NCL: variants seen among roughly 807,000 people sequenced by gnomAD.
NCL encodes the protein nucleolin multifunctional protein.
In NCL, 4 loss-of-function variants were observed where a neutral mutation model predicts 77.7. That is an observed-to-expected ratio of 0.05 (90% confidence interval 0.03 to 0.12). NCL has a LOEUF of 0.12. Among genes scored for constraint, NCL ranks in the 10% least tolerant of loss-of-function variants. NCL has a pLI of 1.00. For missense variants in NCL, 763 were observed against 860.9 expected (o/e 0.89, Z 1.42); for synonymous variants, 344 against 297.8 (o/e 1.16, Z -1.60).
At position 231,454,978 on chromosome 2, in the gene NCL, T is replaced by TATC. The variant is rs938364370; in HGVS notation, c.*210_*212dup. 7.4e-6 allele frequency: 4 copies of TATC among 537,704 alleles called. No individual in the cohort carries two copies. The East Asian group carries it at 1.2e-4, about 16-fold the overall frequency. The allele number at this position is 537,704 out of a possible 1,614,324, so 33.3% of individuals were successfully genotyped here. A position where few individuals can be genotyped will look rare whatever the true frequency, so the allele number is the denominator to read the frequency against. On this transcript the variant is annotated 3_prime_UTR_variant, in exon 14 of 14. Transcript: ENST00000322723. ...AAAACTTACAGATAAGGGTTAGCTC[T>TATC]ATCACTCAACTCTTTAAAAAGTTTA...
intron 3 of NCL, 143 bp from the exon 4 acceptor site, chr2:231,461,009 T>G: frequency 1.4e-6 from 1 of 730,106 alleles, no homozygotes. Context: ...CCGGGCGCAG[T>G]GGCTCACGCC....
intron 2 of NCL, chr2:231,462,920 T>C (rs2046965852): frequency 5.3e-6 from 2 of 380,458 alleles, no homozygotes; most frequent in South Asian, 2.7e-5. Context: ...GGCTAACATG[T>C]TGAAACTGGA....
intron 11 of NCL, 139 bp downstream of exon 11, chr2:231,456,492 A>G (rs1195648312): frequency 1.5e-6 from 2 of 1,370,968 alleles, no homozygotes; most frequent in South Asian, 2.3e-5. Context: ...GATTTCATCA[A>G]TTATTTCTCA....
In NCL at chr2:231,464,405, G is replaced by C. The variant is rs1169967517; in HGVS notation, c.-52C>G. 1.3e-6 allele frequency: 2 copies of C among 1,584,828 alleles called. No homozygotes were observed. Among genetic ancestry groups the C allele is most frequent in the East Asian group, 2.3e-5 (1 of 43,364 alleles). On this transcript the variant is annotated 5_prime_UTR_variant, in exon 1 of 14. Coordinates refer to ENST00000322723, the MANE Select transcript of NCL (RefSeq NM_005381.3). ...AGTGGCGCAGATGAGTCCAGAAGAAGCCAAGCGACGGCGATGGCGGCCGCG... is the reference window on the plus strand; with the variant it reads ...AGTGGCGCAGATGAGTCCAGAAGAACCCAAGCGACGGCGATGGCGGCCGCG...
Position 231,461,957 on chromosome 2 carries a change from C to G in NCL, c.196G>C (p.Val66Leu), listed in dbSNP as rs1285071646. ...AAATSAKKVV[V>L]SPTKKVAVAT... ...ACTGCAACCTTTTTTGTTGGGGAAA[C>G]GACCACCTTCTTTGCTGAGGTTGCA... Residue 66 changes from valine (V) to leucine (L), a missense_variant, in exon 3 of 14, where the codon GTT becomes CTT. Around this residue, in one of 2 missense-constraint regions of NCL, gnomAD observed 590 missense variants for 570.5 expected, o/e 1.03. Transcript: ENST00000322723. 4 of 1,614,186 alleles carry G rather than the reference C, an allele frequency of 2.5e-6. No individual in the cohort carries two copies. In the South Asian group the frequency reaches 3.3e-5, roughly 13 times the overall value.
At chr2:231,458,689 G>A (rs1330499363) in intron 7 of NCL, 1 of 426,880 alleles carries the variant, frequency 2.3e-6, no homozygotes, top group African/African-American at 2.0e-5. Context: ...TATATAGGGA[G>A]TAATTAGGGA....
Position 231,456,783 on chromosome 2 carries a change from T to A in NCL, c.1572-19A>T, listed in dbSNP as rs765036048. 6.2e-7 allele frequency: 1 copy of A among 1,613,452 alleles called. No individual in the cohort carries two copies. The highest frequency in any genetic ancestry group is 1.1e-5 in the South Asian group (1 of 91,006). On this transcript the variant is annotated intron_variant, in intron 10 of 13. Coordinates refer to ENST00000322723, the MANE Select transcript of NCL (RefSeq NM_005381.3). ...TGCATACCTGAGGATGAACAGTTAA[T>A]GCTTAGAGTAAGTTACCAGGCACAT... is the stretch of plus-strand genomic sequence containing the variant.
At chr2:231,462,588 C>T (rs1350840265) in intron 2 of NCL, 2 of 513,032 alleles carry the variant, frequency 3.9e-6, no homozygotes, top group Admixed American at 3.9e-5. Context: ...ATTAAAATCC[C>T]GTAGTTTTAT....
At position 231,464,475 on chromosome 2, in the gene NCL, G is replaced by C. The variant is rs1304148736; in HGVS notation, c.-122C>G. 1.5e-6 allele frequency: 2 copies of C among 1,370,238 alleles called. No individual in the cohort carries two copies. The highest frequency in any genetic ancestry group is 1.4e-5 in the African/African-American group (1 of 69,256). 84.9% of individuals were successfully genotyped at this position (1,370,238 alleles called of 1,614,324 possible). ...CACGTACACCCGAAGGCCAGCGAGA[G>C]CTCGAGACTGAGGCGAAAGACTGAG... On this transcript the variant is annotated 5_prime_UTR_variant, in exon 1 of 14. Transcript: ENST00000322723.
At position 231,455,094 on chromosome 2, in the gene NCL, T is replaced by C. The variant is rs549839207; in HGVS notation, c.*97A>G. The C allele has an allele frequency of 1.5e-6, 2 of 1,350,120 alleles. No individual in the cohort carries two copies. Among genetic ancestry groups the C allele is most frequent in the East Asian group, 2.3e-5 (1 of 43,652 alleles). The allele number at this position is 1,350,120 out of a possible 1,614,324, so 83.6% of individuals were successfully genotyped here. Reference sequence around the variant, plus strand: ...GAGACCACAGGACTGTATACTGTCTTGGAATGTCCTCAGAAGGCTCTGTCA... The same window carrying C: ...GAGACCACAGGACTGTATACTGTCTCGGAATGTCCTCAGAAGGCTCTGTCA... On this transcript the variant is annotated 3_prime_UTR_variant, in exon 14 of 14. Transcript: ENST00000322723.
intron 2 of NCL, 137 bp downstream of exon 2, chr2:231,463,063 A>G: frequency 1.5e-6 from 1 of 665,646 alleles, no homozygotes; most frequent in Non-Finnish European, 2.6e-6. Flanking sequence ...GTCAATGAAG[A>G]GCTTGTGAAA....
At chr2:231,462,264 G>C (rs999378852) in intron 2 of NCL, among the ~76,000 whole-genome samples, 7 of 152,132 alleles carry the variant, frequency 4.6e-5, no homozygotes, top group Admixed American at 3.3e-4. Flanking sequence ...CAGACCCTCT[G>C]AATTCTTACA....
chr2:231,461,655 ATCCTCATCCTCGTCCTCGTCATCC>A lies in NCL; in HGVS notation c.474_497del (p.Glu158_Glu165del), dbSNP rs1270915528. On this transcript the variant is annotated inframe_deletion, in exon 3 of 14. Coordinates refer to ENST00000322723, the MANE Select transcript of NCL (RefSeq NM_005381.3). ...TCGCTGCTGGTTCAATTTCATCTTC[ATCCTCATCCTCGTCCTCGTCATCC>A]TCCTCATCCTCCTCACTGTCATCAT... is the stretch of plus-strand genomic sequence containing the variant. The A allele has an allele frequency of 3.1e-6, 5 of 1,610,124 alleles. No individual in the cohort carries two copies. Among genetic ancestry groups the A allele is most frequent in the South Asian group, 1.1e-5 (1 of 90,978 alleles).
chr2:231,458,635 C>A, intron 7 of NCL: 1 of 506,500 alleles, frequency 2.0e-6, no homozygotes, highest in Non-Finnish European at 3.4e-6. Context: ...AGTAGACGCG[C>A]ATAACAAAAA....
At chr2:231,464,219 C>T (rs1376400111) in intron 1 of NCL, 117 bp downstream of exon 1, 1 of 1,489,120 alleles carries the variant, frequency 6.7e-7, no homozygotes, top group African/African-American at 1.4e-5. Flanking sequence ...AGACTTCCCG[C>T]AGCATGGCGC....
chr2:231,460,727 T>A lies in NCL; in HGVS notation c.753A>T (p.Glu251Asp), dbSNP rs770245990. 3.7e-5 allele frequency: 59 copies of A among 1,611,534 alleles called. No homozygotes were observed. Among genetic ancestry groups the A allele is most frequent in the East Asian group, 8.9e-5 (4 of 44,884 alleles). ...DDEDEDDDDD[E>D]DDEDDDDEDD... ...CTTCATCATCATCATCTTCATCATC[T>A]TCGTCGTCGTCGTCATCCTCGTCCT... The change falls in exon 4 of 14, where the codon GAA becomes GAT. Residue 251 changes from glutamate (E) to aspartate (D), a missense_variant. By Grantham distance (45) the Glu-to-Asp change is conservative (BLOSUM62 2). Around this residue, in one of 2 missense-constraint regions of NCL, gnomAD observed 590 missense variants for 570.5 expected, o/e 1.03. Coordinates refer to ENST00000322723, the MANE Select transcript of NCL (RefSeq NM_005381.3).
chr2:231,456,561 T>G (rs778632926), intron 11 of NCL, 70 bp downstream of exon 11: 1 of 1,602,760 alleles, frequency 6.2e-7, no homozygotes, highest in Admixed American at 1.7e-5. Context: ...AACACAGAAT[T>G]TGTGCAAAAA....
At chr2:231,460,431 C>G in intron 5 of NCL, 47 bp downstream of exon 5, 1 of 1,592,456 alleles carries the variant, frequency 6.3e-7, no homozygotes, top group Non-Finnish European at 8.6e-7. Context: ...TGTTATTCAT[C>G]ATTTGTGCTG....
chr2:231,461,316 A>G (rs2046947793), intron 3 of NCL, among the ~76,000 whole-genome samples: 1 of 152,082 alleles, frequency 6.6e-6, no homozygotes, highest in South Asian at 2.1e-4. Flanking sequence ...TAGAAACAAA[A>G]TCCTACATTA....
Sources: gnomAD v4.1 joint callset for allele counts (sites outside exome capture counted in the v4.1 genomes callset) on GRCh38, gnomAD v4.1.1 for gene constraint, gnomAD v4.1.1 regional missense constraint, MANE v1.5 for transcripts, NCBI Gene and HGNC (gene_info 2026-07-23, HGNC 2026-07-21) for gene names.